TSG101: variants seen among roughly 807,000 people sequenced by gnomAD.
The protein encoded by TSG101 is tumor susceptibility gene 101 protein.
A neutral mutation model predicts 48.5 loss-of-function variants in TSG101; 19 were observed. The observed-to-expected ratio is 0.39, with a 90% CI of 0.27 to 0.58. The LOEUF is 0.58. Among genes scored for constraint, TSG101 ranks in the 20% least tolerant of loss-of-function variants. The pLI is 0.55. For missense variants in TSG101, 365 were observed against 484.4 expected (o/e 0.75, Z 2.31); for synonymous variants, 174 against 169.4 (o/e 1.03, Z -0.21).
At chr11:18,500,067 A>G (rs540270614) in intron 7 of TSG101, among the ~76,000 whole-genome samples, 5 of 152,078 alleles carry the variant, frequency 3.3e-5, no homozygotes, top group East Asian at 1.9e-4. Context: ...CAAGAGATCA[A>G]GTTTTTTGGC....
At position 18,480,425 on chromosome 11, in the gene TSG101, TTGATTCAAAATATTTTAC is replaced by T; in HGVS notation, c.*103_*120del. 1.4e-6 allele frequency: 1 copy of T among 723,220 alleles called. No individual in the cohort carries two copies. The highest frequency in any genetic ancestry group is 2.2e-6 in the Non-Finnish European group (1 of 454,682). The allele number at this position is 723,220 out of a possible 1,614,324, so 44.8% of individuals were successfully genotyped here. The stretch of plus-strand genomic sequence containing the variant: ...CCAAAAGAAAACAGAAAATATATTA[TTGATTCAAAATATTTTAC>T]ACTTGAATGATAAACTGCAATAACT... On this transcript the variant is annotated 3_prime_UTR_variant, in exon 10 of 10. Transcript: ENST00000251968.
At chr11:18,511,387 A>G (rs1324626911) in intron 4 of TSG101, 2 of 152,228 alleles carry the variant, frequency 1.3e-5, no homozygotes, top group African/African-American at 2.4e-5. Flanking sequence ...ATGACAATTA[A>G]TAACATTTCT....
At chr11:18,481,398 T>A in intron 9 of TSG101, 2 of 1,315,674 alleles carry the variant, frequency 1.5e-6, no homozygotes, top group Non-Finnish European at 1.9e-6. Context: ...TAATGCTGCC[T>A]GTGGGCAGAG....
chr11:18,493,479 C>T (rs1175165977), intron 7 of TSG101, among the ~76,000 whole-genome samples: 1 of 152,118 alleles, frequency 6.6e-6, no homozygotes, highest in Non-Finnish European at 1.5e-5. Context: ...TCCATAAGCC[C>T]AAAGTAAACT....
intron 7 of TSG101, among the ~76,000 whole-genome samples, chr11:18,486,373 A>C (rs949186817): frequency 6.6e-6 from 1 of 152,246 alleles, no homozygotes; most frequent in Non-Finnish European, 1.5e-5. Flanking sequence ...GTGACTGAGA[A>C]GAAAATCCTG....
intron 2 of TSG101, 31 bp from the exon 3 acceptor site, chr11:18,516,195 A>T (rs925349507): frequency 6.3e-7 from 1 of 1,597,846 alleles, no homozygotes; most frequent in Non-Finnish European, 8.6e-7. Flanking sequence ...TTTAATCATG[A>T]GCATTTTTTA....
At chr11:18,484,217 G>A in intron 7 of TSG101, 145 bp from the exon 8 acceptor site, 1 of 738,442 alleles carries the variant, frequency 1.4e-6, no homozygotes, top group South Asian at 1.8e-5. Context: ...AGTTTCATGA[G>A]AAATAATGTA....
chr11:18,517,184 G>GC (rs1850192434), intron 2 of TSG101, among the ~76,000 whole-genome samples: 1 of 150,656 alleles, frequency 6.6e-6, no homozygotes. Flanking sequence ...ACCATGCCCA[G>GC]CTTTTTTTTT....
chr11:18,496,499 AAAT>A (rs962250794), intron 7 of TSG101, among the ~76,000 whole-genome samples: 58 of 125,866 alleles, frequency 4.6e-4, no homozygotes, highest in African/African-American at 1.4e-3. Flanking sequence ...AAATAAAATA[AAAT>A]AAAATAAATC....
At chr11:18,505,815 G>A (rs2133921301) in intron 6 of TSG101, among the ~76,000 whole-genome samples, 1 of 152,096 alleles carries the variant, frequency 6.6e-6, no homozygotes, top group Non-Finnish European at 1.5e-5. Context: ...GAAAAGATAG[G>A]TTGTGGGGTT....
intron 2 of TSG101, among the ~76,000 whole-genome samples, chr11:18,517,723 C>A (rs913655615): frequency 6.6e-6 from 1 of 152,150 alleles, no homozygotes; most frequent in Non-Finnish European, 1.5e-5. Flanking sequence ...GTAGGATATA[C>A]CATCTAGGTT....
rs148019791 is a variant in TSG101, at chr11:18,488,496, A to T, written c.641-4424T>A. 4.9e-3 allele frequency among the ~76,000 whole-genome samples: 744 copies of T among 152,280 alleles called. 6 individuals are homozygous for T. Among genetic ancestry groups the T allele is most frequent in the African/African-American group, 0.017 (719 of 41,568 alleles). ...GCACTTGGGAGACCTGGTGAGGGGC[A>T]CTAAAAAGCATGATCAGGGCCAGCC... On this transcript the variant is annotated intron_variant, in intron 7 of 9. Transcript: ENST00000251968.
intron 2 of TSG101, 140 bp from the exon 3 acceptor site, chr11:18,516,304 T>C: frequency 1.6e-6 from 1 of 643,736 alleles, no homozygotes. Context: ...TCCTGTCCAA[T>C]AACTAACAAT....
chr11:18,502,071 C>T (rs1408604648), intron 7 of TSG101, among the ~76,000 whole-genome samples: 2 of 152,184 alleles, frequency 1.3e-5, no homozygotes, highest in East Asian at 3.8e-4. Context: ...TCAGGTAACG[C>T]TAATAAGCAA....
At chr11:18,513,396 A>G (rs1850119943) in intron 4 of TSG101, among the ~76,000 whole-genome samples, 1 of 152,102 alleles carries the variant, frequency 6.6e-6, no homozygotes, top group Non-Finnish European at 1.5e-5. Flanking sequence ...CCCAGGCTCA[A>G]GTGATCCTTT....
intron 6 of TSG101, among the ~76,000 whole-genome samples, chr11:18,503,933 G>GGC (rs1371067481): frequency 6.6e-6 from 1 of 152,174 alleles, no homozygotes; most frequent in Non-Finnish European, 1.5e-5. Context: ...GCTGGGTGCA[G>GGC]TGGATCACAC....
At chr11:18,484,811 C>T (rs570975798) in intron 7 of TSG101, among the ~76,000 whole-genome samples, 2 of 152,194 alleles carry the variant, frequency 1.3e-5, no homozygotes, top group African/African-American at 4.8e-5. Context: ...TTCTTTATGA[C>T]TATCAGTGTT....
At chr11:18,518,279 C>T (rs935832881) in intron 2 of TSG101, among the ~76,000 whole-genome samples, 1 of 152,086 alleles carries the variant, frequency 6.6e-6, no homozygotes, top group African/African-American at 2.4e-5. Context: ...AACTGATTGC[C>T]CCTCTGTTGC....
chr11:18,523,866 C>T (rs957693432), intron 1 of TSG101, among the ~76,000 whole-genome samples: 1 of 152,174 alleles, frequency 6.6e-6, no homozygotes, highest in Non-Finnish European at 1.5e-5. Context: ...TCATAGCTCA[C>T]TGTAACCTTG....
Sources: gnomAD v4.1 joint callset for allele counts (sites outside exome capture counted in the v4.1 genomes callset) on GRCh38, gnomAD v4.1.1 for gene constraint, MANE v1.5 for transcripts, NCBI Gene and HGNC (gene_info 2026-07-23, HGNC 2026-07-21) for gene names.